Variants in DPH6 observed in about 807,000 individuals in gnomAD.
The protein encoded by DPH6 is diphthamine biosynthesis 6, also known as diphthine--ammonia ligase.
A neutral mutation model predicts 38.2 loss-of-function variants in DPH6; 33 were observed. The observed-to-expected ratio is 0.86, with a 90% CI of 0.65 to 1.15. The LOEUF is 1.15. Among genes scored for constraint, DPH6 ranks in the 50% most tolerant of loss-of-function variants. DPH6 has a pLI of 0.00. For missense variants in DPH6, 325 were observed against 320.0 expected (o/e 1.02, Z -0.12); for synonymous variants, 108 against 103.0 (o/e 1.05, Z -0.30).
intron 1 of DPH6, 81 bp from the exon 2 acceptor site, chr15:35,542,588 A>G (rs2055269677): frequency 7.8e-7 from 1 of 1,275,128 alleles, no homozygotes; most frequent in Admixed American, 1.7e-5. Flanking sequence ...TCAAAACAGA[A>G]CATATCATTT....
intron 3 of DPH6, among the ~76,000 whole-genome samples, chr15:35,466,588 A>T (rs1053611785): frequency 9.9e-5 from 15 of 152,236 alleles, no homozygotes; most frequent in African/African-American, 3.6e-4. Context: ...TAATAGGACC[A>T]TATTGAAATG....
At chr15:35,363,421 A>T (rs1043718754) in intron 3 of DPH6, among the ~76,000 whole-genome samples, 1 of 152,136 alleles carries the variant, frequency 6.6e-6, no homozygotes, top group African/African-American at 2.4e-5. Context: ...TTTGTCTTCT[A>T]TTAAAAGACA....
chr15:35,354,652 G>A (rs1212763954), intron 3 of DPH6, among the ~76,000 whole-genome samples: 3 of 152,136 alleles, frequency 2.0e-5, no homozygotes, highest in Non-Finnish European at 2.9e-5. Context: ...TGGTGGATAA[G>A]CTTTTTGATG....
At chr15:35,443,676 AC>A (rs1431115536) in intron 5 of DPH6, among the ~76,000 whole-genome samples, 3 of 152,138 alleles carry the variant, frequency 2.0e-5, no homozygotes, top group African/African-American at 7.2e-5. Context: ...GTAAACAGAT[AC>A]CTCTAGAAAG....
At chr15:35,236,420 C>T (rs558693810) in intron 3 of DPH6, among the ~76,000 whole-genome samples, 8 of 152,098 alleles carry the variant, frequency 5.3e-5, no homozygotes, top group African/African-American at 1.7e-4. Context: ...AGGCAGATCA[C>T]GAGGTCAGGA....
chr15:35,540,055 T>C (rs1363682552), intron 2 of DPH6, among the ~76,000 whole-genome samples: 1 of 152,100 alleles, frequency 6.6e-6, no homozygotes, highest in Admixed American at 6.6e-5. Flanking sequence ...TCAAACCAAT[T>C]TACTCAAAGA....
Position 35,237,764 on chromosome 15 carries a change from G to A in DPH6, n.201-17182C>T, listed in dbSNP as rs1004480903. On this transcript the variant is annotated intron_variant and non_coding_transcript_variant, in intron 3 of 3. Transcript: ENST00000560386. Reference sequence around the variant, plus strand: ...CCTCCTGCAACTCACATATCTTGACGGCTATGACCGGGACGACAAGGAGGC... The same window carrying A: ...CCTCCTGCAACTCACATATCTTGACAGCTATGACCGGGACGACAAGGAGGC... 2.5e-6 allele frequency: 4 copies of A among 1,611,200 alleles called. No homozygotes were observed. The African/African-American group carries it at 5.4e-5, about 22-fold the overall frequency.
chr15:35,454,448 A>T (rs775277154), intron 4 of DPH6, among the ~76,000 whole-genome samples: 127 of 152,104 alleles, frequency 8.3e-4, no homozygotes, highest in Admixed American at 1.7e-3. Context: ...GATTAACAGG[A>T]TATACTAAAT....
chr15:35,320,286 A>T (rs947233766), intron 3 of DPH6, among the ~76,000 whole-genome samples: 4 of 152,182 alleles, frequency 2.6e-5, no homozygotes, highest in African/African-American at 9.7e-5. Flanking sequence ...GTTAGCTGGA[A>T]TATATTTCAA....
chr15:35,275,927 T>C (rs992306047), intron 3 of DPH6, among the ~76,000 whole-genome samples: 1 of 152,046 alleles, frequency 6.6e-6, no homozygotes, highest in African/African-American at 2.4e-5. Context: ...AAGTATCTTT[T>C]TTGAATAATG....
At chr15:35,429,670 T>G (rs2141029607) in intron 5 of DPH6, among the ~76,000 whole-genome samples, 1 of 152,128 alleles carries the variant, frequency 6.6e-6, no homozygotes, top group East Asian at 1.9e-4. Flanking sequence ...CTTACCACCC[T>G]TACATACACA....
At chr15:35,256,162 G>C (rs2589526) in intron 3 of DPH6, among the ~76,000 whole-genome samples, 98,681 of 151,890 alleles carry the variant, frequency 0.65, 32,827 homozygotes, top group Non-Finnish European at 0.73. Flanking sequence ...AACTAATAAG[G>C]CAATATTTAC....
intron 3 of DPH6, among the ~76,000 whole-genome samples, chr15:35,482,056 A>G (rs1404296634): frequency 3.9e-5 from 6 of 152,218 alleles, no homozygotes; most frequent in Admixed American, 2.0e-4. Context: ...AGCCACTCCC[A>G]TAACAAGGTG....
At chr15:35,521,520 G>A (rs1299721924) in intron 3 of DPH6, 10 of 1,220,434 alleles carry the variant, frequency 8.2e-6, no homozygotes, top group African/African-American at 1.6e-5. Flanking sequence ...GGACTATGAA[G>A]AGTTGTGTTC....
chr15:35,193,433 ATTAT>A, the DPH6 span, among the ~76,000 whole-genome samples: 1 of 152,202 alleles, frequency 6.6e-6, no homozygotes, highest in South Asian at 2.1e-4. Flanking sequence ...TTCTATAATT[ATTAT>A]TTAATAATTT....
intron 3 of DPH6, among the ~76,000 whole-genome samples, chr15:35,354,960 T>C (rs1053810475): frequency 7.2e-5 from 11 of 152,224 alleles, no homozygotes; most frequent in African/African-American, 2.7e-4. Flanking sequence ...TTTATGAATC[T>C]GGGTGCTCCT....
At chr15:35,395,533 T>C (rs1393942028) in intron 6 of DPH6, among the ~76,000 whole-genome samples, 4 of 152,180 alleles carry the variant, frequency 2.6e-5, no homozygotes, top group African/African-American at 7.2e-5. Flanking sequence ...GCTCTTAGTT[T>C]CATTTAGACC....
intron 3 of DPH6, among the ~76,000 whole-genome samples, chr15:35,282,068 C>T (rs1343947832): frequency 6.6e-6 from 1 of 152,202 alleles, no homozygotes; most frequent in African/African-American, 2.4e-5. Flanking sequence ...CTTCTCCAAG[C>T]ATATCCCCAA....
chr15:35,233,488 A>G (rs1355749173), intron 3 of DPH6, among the ~76,000 whole-genome samples: 1 of 152,204 alleles, frequency 6.6e-6, no homozygotes, highest in East Asian at 1.9e-4. Context: ...AAATTAAGGT[A>G]CACTGTTACA....
Sources: allele counts gnomAD v4.1 joint callset (sites outside exome capture counted in the v4.1 genomes callset), GRCh38; gene constraint gnomAD v4.1.1; transcripts MANE v1.5; gene names NCBI Gene and HGNC (gene_info 2026-07-23, HGNC 2026-07-21).